The following GALNT17 variants were observed in gnomAD, a reference collection of about 807,000 sequenced individuals.
The protein encoded by GALNT17 is UDP-GalNAc:polypeptide N-acetylgalactosaminyltransferase-like 3.
Under a neutral mutation model 63.7 loss-of-function variants are expected in GALNT17, and 29 were observed. The observed-to-expected ratio is 0.46, with a 90% CI of 0.34 to 0.62. The LOEUF is 0.62. Ranked by LOEUF, GALNT17 falls within the 20% of genes least tolerant of loss-of-function variation. The probability of loss-of-function intolerance (pLI) is 0.01; values close to 1 mark genes in which losing one functional copy is unlikely to be tolerated. For synonymous variants in GALNT17, 305 were observed against 318.3 expected (o/e 0.96, Z 0.45); for missense variants, 603 against 799.6 (o/e 0.75, Z 2.97).
intron 5 of GALNT17, among the ~76,000 whole-genome samples, chr7:71,504,058 C>G (rs1016735539): frequency 6.6e-6 from 1 of 152,080 alleles, no homozygotes; most frequent in African/African-American, 2.4e-5. Flanking sequence ...AAAACCCCAT[C>G]TCTACCAAAA....
intron 6 of GALNT17, among the ~76,000 whole-genome samples, chr7:71,574,123 G>A (rs906854950): frequency 4.6e-5 from 7 of 152,176 alleles, no homozygotes; most frequent in Non-Finnish European, 5.9e-5. Context: ...ATGAACATAC[G>A]TGTGCATGTG....
intron 1 of GALNT17, among the ~76,000 whole-genome samples, chr7:71,184,966 TC>T (rs1788812464): frequency 9.2e-6 from 1 of 108,216 alleles, no homozygotes; most frequent in Non-Finnish European, 1.7e-5. Context: ...CTTCCTTCCT[TC>T]CTTCCTTCCT....
chr7:71,417,158 T>C (rs1583934002), intron 4 of GALNT17, among the ~76,000 whole-genome samples: 1 of 152,248 alleles, frequency 6.6e-6, no homozygotes, highest in African/African-American at 2.4e-5. Context: ...TGAGGCCTTC[T>C]TGAGTAAGTG....
At position 71,537,946 on chromosome 7, in the gene GALNT17, T is replaced by G. The variant is rs2116797361; in HGVS notation, c.963-33339T>G. ...AGGAATTCCTGTGGCCACCAGAGAC[T>G]ACAAGAGCCAAGAGCAGATTATTCC... On this transcript the variant is annotated intron_variant, in intron 5 of 10. Coordinates refer to ENST00000333538, the MANE Select transcript of GALNT17 (RefSeq NM_022479.3). 2.0e-5 allele frequency among the ~76,000 whole-genome samples: 3 copies of G among 152,194 alleles called. No individual in the cohort carries two copies. In the East Asian group the frequency reaches 5.8e-4, roughly 29 times the overall value.
chr7:71,271,906 G>T (rs530895140), intron 1 of GALNT17, among the ~76,000 whole-genome samples: 1 of 152,084 alleles, frequency 6.6e-6, no homozygotes, highest in Admixed American at 6.6e-5. Context: ...ACCACAGATG[G>T]GTGCCACCAT....
chr7:71,492,899 T>A (rs890601953), intron 5 of GALNT17, among the ~76,000 whole-genome samples: 2 of 152,136 alleles, frequency 1.3e-5, no homozygotes, highest in Non-Finnish European at 2.9e-5. Context: ...TGTGGAAGAT[T>A]TGGGGGCCAG....
chr7:71,214,823 C>T (rs868446864), intron 1 of GALNT17, among the ~76,000 whole-genome samples: 16 of 152,300 alleles, frequency 1.1e-4, no homozygotes, highest in African/African-American at 3.6e-4. Flanking sequence ...GGCAATCCAC[C>T]TGCCTGGGCC....
intron 5 of GALNT17, among the ~76,000 whole-genome samples, chr7:71,566,449 G>A (rs1175043308): frequency 6.6e-6 from 1 of 152,092 alleles, no homozygotes; most frequent in East Asian, 1.9e-4. Flanking sequence ...GAGATTTTTT[G>A]TAACTTATCA....
intron 2 of GALNT17, among the ~76,000 whole-genome samples, chr7:71,364,961 C>T (rs747885057): frequency 7.5e-6 from 1 of 133,530 alleles, no homozygotes; most frequent in Non-Finnish European, 1.6e-5. Context: ...GATGGAGTCT[C>T]ACTCTGTCCC....
At chr7:71,300,583 C>A (rs1248262368) in intron 1 of GALNT17, 1 of 354,346 alleles carries the variant, frequency 2.8e-6, no homozygotes, top group African/African-American at 2.1e-5. Flanking sequence ...TTTCTACACA[C>A]ACACATGCAT....
chr7:71,530,514 A>G (rs544177373), intron 5 of GALNT17, among the ~76,000 whole-genome samples: 24 of 152,098 alleles, frequency 1.6e-4, no homozygotes, highest in African/African-American at 5.5e-4. Context: ...CTTCTAAATC[A>G]GTGTCTTTTG....
intron 5 of GALNT17, among the ~76,000 whole-genome samples, chr7:71,427,600 T>G (rs1786783263): frequency 6.6e-6 from 1 of 152,012 alleles, no homozygotes; most frequent in Non-Finnish European, 1.5e-5. Flanking sequence ...CCCCATGTAC[T>G]CTTATTGCTG....
intron 1 of GALNT17, among the ~76,000 whole-genome samples, chr7:71,182,209 G>A (rs1788749133): frequency 6.6e-6 from 1 of 152,160 alleles, no homozygotes; most frequent in Non-Finnish European, 1.5e-5. Flanking sequence ...AGAATCACTA[G>A]TTGGCACTTT....
intron 1 of GALNT17, among the ~76,000 whole-genome samples, chr7:71,258,825 A>G (rs751449466): frequency 6.6e-5 from 10 of 152,368 alleles, no homozygotes; most frequent in Admixed American, 2.0e-4. Flanking sequence ...AAACCTTTAC[A>G]GAGAGGATGA....
At position 71,597,834 on chromosome 7, in the gene GALNT17, C is replaced by T. The variant is rs979172379; in HGVS notation, c.1080+26432C>T. Among the ~76,000 whole-genome samples the T allele has an allele frequency of 5.3e-5, 8 of 152,130 alleles. No homozygotes were observed. In the South Asian group the frequency reaches 1.0e-3, roughly 20 times the overall value. On this transcript the variant is annotated intron_variant, in intron 6 of 10. Transcript: ENST00000333538. ...TGTCAATGTGGGACCTGTGTAGTGT[C>T]GTCTGCCCCAAGTTCTTCTCAGTGC...
At chr7:71,348,624 C>T (rs117749087) in intron 2 of GALNT17, among the ~76,000 whole-genome samples, 50 of 152,278 alleles carry the variant, frequency 3.3e-4, no homozygotes, top group Non-Finnish European at 6.6e-4. Context: ...GATGTAGATG[C>T]AGCTATGGGA....
intron 5 of GALNT17, among the ~76,000 whole-genome samples, chr7:71,553,474 T>C (rs1584045271): frequency 6.6e-6 from 1 of 152,292 alleles, no homozygotes; most frequent in East Asian, 1.9e-4. Flanking sequence ...GTCTAAGACA[T>C]GTTTATTTTT....
intron 5 of GALNT17, among the ~76,000 whole-genome samples, chr7:71,421,380 G>A (rs772414503): frequency 2.0e-4 from 31 of 152,152 alleles, no homozygotes; most frequent in African/African-American, 3.4e-4. Flanking sequence ...ATTCTTCCTC[G>A]TATAGGAGGA....
At chr7:71,471,130 T>C (rs765685550) in intron 5 of GALNT17, among the ~76,000 whole-genome samples, 12 of 151,806 alleles carry the variant, frequency 7.9e-5, no homozygotes, top group Non-Finnish European at 1.5e-4. Flanking sequence ...CAGGCTGGAG[T>C]GCAGCAATGT....
Sources: gnomAD v4.1 joint callset for allele counts (sites outside exome capture counted in the v4.1 genomes callset) on GRCh38, gnomAD v4.1.1 for gene constraint, MANE v1.5 for transcripts, NCBI Gene and HGNC (gene_info 2026-07-23, HGNC 2026-07-21) for gene names.